The following SMOC1 variants were observed in gnomAD, a reference collection of about 807,000 sequenced individuals.
SMOC1 encodes the protein SPARC related modular calcium binding 1.
A neutral mutation model predicts 56.3 loss-of-function variants in SMOC1; 22 were observed. The observed-to-expected ratio is 0.39, with a 90% CI of 0.28 to 0.56. The LOEUF (loss-of-function observed/expected upper bound fraction) is 0.56. SMOC1 is among the 20% of genes least tolerant of loss of function. SMOC1 has a pLI of 0.61. For missense variants in SMOC1, 509 were observed against 565.4 expected (o/e 0.90, Z 1.01); for synonymous variants, 193 against 215.0 (o/e 0.90, Z 0.89).
intron 1 of SMOC1, among the ~76,000 whole-genome samples, chr14:69,880,815 T>C (rs962799003): frequency 6.6e-6 from 1 of 152,246 alleles, no homozygotes; most frequent in East Asian, 1.9e-4. Flanking sequence ...TCCTTGGGCC[T>C]GGCCCTTTAC....
intron 1 of SMOC1, among the ~76,000 whole-genome samples, chr14:69,945,024 G>A (rs887870663): frequency 1.2e-4 from 18 of 152,154 alleles, no homozygotes; most frequent in African/African-American, 4.3e-4. Flanking sequence ...TTAAGGTATT[G>A]TTGGTAGTTG....
At position 69,901,475 on chromosome 14, in the gene SMOC1, C is replaced by T. The variant is rs577948663; in HGVS notation, c.99+21698C>T. ...CACACATCTTCACATTGTCCCTCAGCCTTCATGTAGTTCTGGCCCAGTTGC... is the reference window on the plus strand; with the variant it reads ...CACACATCTTCACATTGTCCCTCAGTCTTCATGTAGTTCTGGCCCAGTTGC... On this transcript the variant is annotated intron_variant, in intron 1 of 11. Coordinates refer to ENST00000361956, the MANE Select transcript of SMOC1 (RefSeq NM_001034852.3). Among the ~76,000 whole-genome samples, 6 of 152,298 alleles carry T rather than the reference C, an allele frequency of 3.9e-5. No individual in the cohort carries two copies. In the East Asian group the frequency reaches 7.7e-4, roughly 20 times the overall value.
intron 1 of SMOC1, among the ~76,000 whole-genome samples, chr14:69,918,234 A>ATTT (rs537154120): frequency 1.4e-5 from 2 of 147,976 alleles, no homozygotes; most frequent in African/African-American, 4.9e-5. Context: ...ATATATATAT[A>ATTT]TATTTTTTTT....
intron 1 of SMOC1, among the ~76,000 whole-genome samples, chr14:69,929,536 T>C (rs1301879698): frequency 6.6e-6 from 1 of 152,184 alleles, no homozygotes; most frequent in Admixed American, 6.5e-5. Flanking sequence ...CTGTGCTACG[T>C]TGGCCACAGA....
At chr14:69,924,443 CT>C (rs1884935361) in intron 1 of SMOC1, among the ~76,000 whole-genome samples, 1 of 152,132 alleles carries the variant, frequency 6.6e-6, no homozygotes, top group South Asian at 2.1e-4. Flanking sequence ...CACACAGCAG[CT>C]GGGTTGAACC....
At chr14:69,988,211 A>T (rs1323721504) in intron 5 of SMOC1, among the ~76,000 whole-genome samples, 1 of 150,262 alleles carries the variant, frequency 6.7e-6, no homozygotes, top group Admixed American at 6.6e-5. Context: ...AGTTTGCCTT[A>T]TTTGTTGTTT....
At chr14:69,942,184 T>C (rs1882590805) in intron 1 of SMOC1, among the ~76,000 whole-genome samples, 1 of 152,084 alleles carries the variant, frequency 6.6e-6, no homozygotes, top group South Asian at 2.1e-4. Context: ...CCAGTGGAGA[T>C]ATGTCCACAT....
chr14:70,016,688 T>A (rs1014323273), intron 10 of SMOC1, among the ~76,000 whole-genome samples: 19 of 152,176 alleles, frequency 1.2e-4, no homozygotes, highest in African/African-American at 4.3e-4. Context: ...CACATATTCC[T>A]TTCCTTCCCA....
intron 7 of SMOC1, among the ~76,000 whole-genome samples, chr14:69,999,100 C>T (rs553871285): frequency 1.3e-5 from 2 of 152,316 alleles, no homozygotes; most frequent in Non-Finnish European, 2.9e-5. Flanking sequence ...GAAAGTGACA[C>T]CCTGGCCTCC....
At chr14:69,887,618 C>A (rs1400083715) in intron 1 of SMOC1, among the ~76,000 whole-genome samples, 3 of 152,230 alleles carry the variant, frequency 2.0e-5, no homozygotes, top group Non-Finnish European at 2.9e-5. Context: ...TCCTCCCCAC[C>A]TTTCAAGATG....
intron 1 of SMOC1, among the ~76,000 whole-genome samples, chr14:69,903,036 C>A (rs182804753): frequency 6.6e-6 from 1 of 152,182 alleles, no homozygotes; most frequent in Non-Finnish European, 1.5e-5. Context: ...TGCCCAGCCG[C>A]CACCCCGTCT....
intron 5 of SMOC1, among the ~76,000 whole-genome samples, chr14:69,984,033 A>G (rs1275605464): frequency 1.3e-5 from 2 of 152,256 alleles, no homozygotes; most frequent in African/African-American, 4.8e-5. Flanking sequence ...AATTTTGAAA[A>G]AGAAAACTAA....
intron 1 of SMOC1, among the ~76,000 whole-genome samples, chr14:69,950,387 A>G (rs1201441604): frequency 6.6e-6 from 1 of 152,024 alleles, no homozygotes; most frequent in Non-Finnish European, 1.5e-5. Flanking sequence ...TACCTCTGAA[A>G]CTTTCTCTGC....
At chr14:70,025,050 T>C (rs1261326825) in intron 11 of SMOC1, among the ~76,000 whole-genome samples, 1 of 152,092 alleles carries the variant, frequency 6.6e-6, no homozygotes, top group East Asian at 1.9e-4. Flanking sequence ...GCTGGAGGCA[T>C]GGCTGCTCAC....
At chr14:69,897,398 A>G (rs1472358164) in intron 1 of SMOC1, among the ~76,000 whole-genome samples, 1 of 152,162 alleles carries the variant, frequency 6.6e-6, no homozygotes, top group African/African-American at 2.4e-5. Flanking sequence ...ATTTAAAGTG[A>G]TAATTGATGT....
chr14:69,879,872 T>G (rs1039349895), intron 1 of SMOC1, 95 bp downstream of exon 1: 2 of 1,147,994 alleles, frequency 1.7e-6, no homozygotes, highest in African/African-American at 3.2e-5. Flanking sequence ...AAGAGAGATG[T>G]CAGAGACCTG....
intron 1 of SMOC1, among the ~76,000 whole-genome samples, chr14:69,939,636 C>A (rs1039512669): frequency 7.2e-5 from 11 of 152,194 alleles, no homozygotes; most frequent in Admixed American, 2.6e-4. Flanking sequence ...CCCAGTCTCC[C>A]CTTAGCTTCT....
At chr14:69,930,236 CTCTG>C (rs1428272691) in intron 1 of SMOC1, among the ~76,000 whole-genome samples, 3 of 135,750 alleles carry the variant, frequency 2.2e-5, no homozygotes, top group African/African-American at 1.1e-4. Flanking sequence ...CCCTTCCCAC[CTCTG>C]CACCTCTCCA....
chr14:69,960,444 C>G (rs911761854), intron 3 of SMOC1, among the ~76,000 whole-genome samples: 3 of 152,130 alleles, frequency 2.0e-5, no homozygotes, highest in Admixed American at 1.3e-4. Context: ...TTTATAAAGA[C>G]CTCCTGCCTT....
Sources: gnomAD v4.1 joint callset for allele counts (sites outside exome capture counted in the v4.1 genomes callset) on GRCh38, gnomAD v4.1.1 for gene constraint, MANE v1.5 for transcripts, NCBI Gene and HGNC (gene_info 2026-07-23, HGNC 2026-07-21) for gene names.